Variants in DENND2A observed in about 807,000 individuals in gnomAD.
The protein encoded by DENND2A is DENN domain-containing protein 2A.
A neutral mutation model predicts 105.3 loss-of-function variants in DENND2A; 53 were observed. The ratio of observed to expected loss-of-function variants is 0.50; its 90% CI spans 0.40 to 0.63. The LOEUF is 0.63. DENND2A is among the 30% of genes least tolerant of loss of function. DENND2A has a pLI of 0.00. For missense variants in DENND2A, 1,138 were observed against 1,279.6 expected (o/e 0.89, Z 1.69); for synonymous variants, 522 against 508.4 (o/e 1.03, Z -0.36).
chr7:140,596,006 G>T (rs117900988), intron 3 of DENND2A, among the ~76,000 whole-genome samples: 1 of 152,096 alleles, frequency 6.6e-6, no homozygotes. Flanking sequence ...GGAGACTTCC[G>T]TTAGCTCTCA....
At position 140,602,112 on chromosome 7, in the gene DENND2A, T is replaced by C. The variant is rs779836361; in HGVS notation, c.286A>G (p.Lys96Glu). ...TCTGTTCCTGGCCTCATTCCATTCT[T>C]AGCCTCTGTGACCTGAGTTCTCACC... ...DGVRTQVTEA[K>E]NGMRPGTEST... The change falls in exon 3 of 20, where the codon AAG (lysine) becomes GAG (glutamate). Residue 96 changes from lysine (K) to glutamate (E), a missense_variant. Physicochemically the swap from Lys to Glu is moderately conservative, Grantham distance 56. Around this residue, in one of 2 missense-constraint regions of DENND2A, gnomAD observed 511 missense variants for 499.9 expected, o/e 1.02. Coordinates refer to ENST00000496613, the MANE Select transcript of DENND2A (RefSeq NM_015689.5). 12 of 1,614,156 alleles carry C rather than the reference T, an allele frequency of 7.4e-6. No individual in the cohort carries two copies. Among genetic ancestry groups the C allele is most frequent in the Admixed American group, 1.7e-5 (1 of 60,022 alleles).
chr7:140,531,604 T>C (rs1407383827), intron 14 of DENND2A, among the ~76,000 whole-genome samples: 2 of 147,462 alleles, frequency 1.4e-5, no homozygotes, highest in Non-Finnish European at 3.0e-5. Flanking sequence ...TTCAAGGCTA[T>C]ACTGACCAAC....
intron 1 of DENND2A, among the ~76,000 whole-genome samples, chr7:140,629,653 G>C (rs1800663276): frequency 6.6e-6 from 1 of 152,122 alleles, no homozygotes; most frequent in African/African-American, 2.4e-5. Flanking sequence ...GTACATTCAA[G>C]AGGCAGTGAG....
At chr7:140,566,532 A>C (rs1797841553) in intron 9 of DENND2A, among the ~76,000 whole-genome samples, 1 of 152,134 alleles carries the variant, frequency 6.6e-6, no homozygotes, top group South Asian at 2.1e-4. Context: ...GATGCTGCTT[A>C]GGGAGACTTG....
chr7:140,602,092 TC>T lies in DENND2A; in HGVS notation c.305del (p.Gly102GlufsTer14). On this transcript the variant is annotated frameshift_variant, in exon 3 of 20. Coordinates refer to ENST00000496613, the MANE Select transcript of DENND2A (RefSeq NM_015689.5). LOFTEE classifies it high-confidence loss of function. Reference sequence around the variant, plus strand: ...TCCTCTCCTTCTCTGTGCTCTCTGTTCCTGGCCTCATTCCATTCTTAGCCTC... The same window carrying T: ...TCCTCTCCTTCTCTGTGCTCTCTGTTCTGGCCTCATTCCATTCTTAGCCTC... ...VTEAKNGMRP[G>X]TESTEKERNK... The T allele has an allele frequency of 6.2e-7, 1 of 1,614,172 alleles. No homozygotes were observed. The highest frequency in any genetic ancestry group is 8.5e-7 in the Non-Finnish European group (1 of 1,180,024).
chr7:140,583,278 C>T (rs1798618672), intron 5 of DENND2A, among the ~76,000 whole-genome samples: 1 of 151,186 alleles, frequency 6.6e-6, no homozygotes. Context: ...CACTTCACTC[C>T]AGCCTGGGCG....
chr7:140,587,789 T>G lies in DENND2A; in HGVS notation c.996-9A>C. 1 of 1,547,764 alleles carries G rather than the reference T, an allele frequency of 6.5e-7. No homozygotes were observed. The highest frequency in any genetic ancestry group is 8.8e-7 in the Non-Finnish European group (1 of 1,141,012). Reference sequence around the variant, plus strand: ...CAAACTCATAGGACTTTCTGGAATGTGCCAGATGGGAGGAAAAAACAAAGA... The same window carrying G: ...CAAACTCATAGGACTTTCTGGAATGGGCCAGATGGGAGGAAAAAACAAAGA... On this transcript the variant is annotated splice_polypyrimidine_tract_variant and intron_variant, in intron 3 of 19. Transcript: ENST00000496613.
At chr7:140,520,390 C>A (rs1199316581) in intron 18 of DENND2A, among the ~76,000 whole-genome samples, 1 of 151,546 alleles carries the variant, frequency 6.6e-6, no homozygotes, top group Non-Finnish European at 1.5e-5. Flanking sequence ...TTCTCCTGTA[C>A]GAGGGCCCTG....
At chr7:140,599,068 G>A (rs1029795691) in intron 3 of DENND2A, among the ~76,000 whole-genome samples, 1 of 151,980 alleles carries the variant, frequency 6.6e-6, no homozygotes, top group Admixed American at 6.6e-5. Context: ...CTGGGTGTGG[G>A]GCTCATGCCT....
At chr7:140,574,170 A>G (rs60847193) in intron 5 of DENND2A, among the ~76,000 whole-genome samples, 162 bp from the exon 6 acceptor site, 3,182 of 152,278 alleles carry the variant, frequency 0.021, 96 homozygotes, top group African/African-American at 0.072. Flanking sequence ...TTCAATGAAT[A>G]CATATCATCC....
At chr7:140,607,019 C>T (rs560008289) in intron 1 of DENND2A, among the ~76,000 whole-genome samples, 1 of 152,326 alleles carries the variant, frequency 6.6e-6, no homozygotes, top group Non-Finnish European at 1.5e-5. Flanking sequence ...TTCTGTAAGG[C>T]ATGAACACCA....
chr7:140,599,426 A>T (rs1194169909), intron 3 of DENND2A, among the ~76,000 whole-genome samples: 1 of 152,170 alleles, frequency 6.6e-6, no homozygotes, highest in Non-Finnish European at 1.5e-5. Context: ...ATGGAGCCAG[A>T]GAAAAATAAA....
chr7:140,609,049 A>G (rs1427907434), intron 1 of DENND2A, among the ~76,000 whole-genome samples: 1 of 152,210 alleles, frequency 6.6e-6, no homozygotes, highest in Non-Finnish European at 1.5e-5. Flanking sequence ...TTGAGTTTTT[A>G]CACAACCCAA....
chr7:140,624,752 G>A (rs1800444036), intron 1 of DENND2A, among the ~76,000 whole-genome samples: 1 of 151,528 alleles, frequency 6.6e-6, no homozygotes, highest in South Asian at 2.1e-4. Context: ...AACCCAGAGA[G>A]ATTTGTGAAG....
In DENND2A at chr7:140,601,875, C is replaced by G; in HGVS notation, c.523G>C (p.Ala175Pro). The change falls in exon 3 of 20, where the codon GCA becomes CCA. Residue 175 changes from alanine (A) to proline (P), a missense_variant. Physicochemically the swap from Ala to Pro is conservative, Grantham distance 27 (BLOSUM62 -1). Around this residue, in one of 2 missense-constraint regions of DENND2A, gnomAD observed 511 missense variants for 499.9 expected, o/e 1.02. Transcript: ENST00000496613. ...CCTGGTAACTGGGGATCCAGCCCTG[C>G]CGACCCATCCTTCAAAGCCTGCTCG... ...KLEQALKDGSAGLDPQLPGTC... is the reference protein window; with the variant it reads ...KLEQALKDGSPGLDPQLPGTC... 6.2e-7 allele frequency: 1 copy of G among 1,614,192 alleles called. No homozygotes were observed. The highest frequency in any genetic ancestry group is 1.1e-5 in the South Asian group (1 of 91,084).
At chr7:140,597,698 C>G (rs1407801667) in intron 3 of DENND2A, among the ~76,000 whole-genome samples, 1 of 152,168 alleles carries the variant, frequency 6.6e-6, no homozygotes, top group African/African-American at 2.4e-5. Context: ...GACTCGCCTG[C>G]CCAGTGATGA....
At position 140,601,742 on chromosome 7, in the gene DENND2A, G is replaced by A. The variant is rs775644497; in HGVS notation, c.656C>T (p.Pro219Leu). ...GGGCTCCCTGCCTTCCAGGTCCGAG[G>A]GGTGGACCCTCTGGCTGACTTCTGA... ...SGSEVSQRVH[P>L]SDLEGREPTP... Residue 219 changes from proline to leucine, a missense_variant, in exon 3 of 20, where the codon CCC (proline) becomes CTC (leucine). Physicochemically the swap from Pro to Leu is moderately conservative, Grantham distance 98. Around this residue, in one of 2 missense-constraint regions of DENND2A, gnomAD observed 511 missense variants for 499.9 expected, o/e 1.02. Coordinates refer to ENST00000496613, the MANE Select transcript of DENND2A (RefSeq NM_015689.5). The A allele has an allele frequency of 6.2e-7, 1 of 1,613,954 alleles. No individual in the cohort carries two copies. The highest frequency in any genetic ancestry group is 8.5e-7 in the Non-Finnish European group (1 of 1,179,978).
chr7:140,526,436 C>T (rs60213630), intron 15 of DENND2A, among the ~76,000 whole-genome samples: 83 of 152,326 alleles, frequency 5.4e-4, no homozygotes, highest in African/African-American at 1.6e-3. Context: ...GGCCACTGGC[C>T]GTGACGGAGG....
chr7:140,619,050 G>A (rs563228155), intron 1 of DENND2A, among the ~76,000 whole-genome samples: 8 of 152,160 alleles, frequency 5.3e-5, no homozygotes, highest in African/African-American at 7.2e-5. Context: ...TGCCCGCCTC[G>A]GCCTCCCAAA....
Sources: allele counts gnomAD v4.1 joint callset (sites outside exome capture counted in the v4.1 genomes callset), GRCh38; gene constraint gnomAD v4.1.1; regional missense constraint gnomAD v4.1.1; transcripts MANE v1.5; gene names NCBI Gene and HGNC (gene_info 2026-07-23, HGNC 2026-07-21).